FAF1: variants seen among roughly 807,000 people sequenced by gnomAD.
FAF1 encodes the protein Fas associated factor 1, also known as FAS-associated factor 1.
A neutral mutation model predicts 92.5 loss-of-function variants in FAF1; 25 were observed. That is an observed-to-expected ratio of 0.27 (90% CI 0.20 to 0.38). The LOEUF is 0.38. Among genes scored for constraint, FAF1 ranks in the 10% least tolerant of loss-of-function variants. FAF1 has a pLI of 1.00. For missense variants in FAF1, 636 were observed against 793.3 expected (o/e 0.80, Z 2.38); for synonymous variants, 234 against 273.2 (o/e 0.86, Z 1.42).
intron 2 of FAF1, among the ~76,000 whole-genome samples, chr1:50,823,286 G>A (rs1172795457): frequency 6.6e-6 from 1 of 152,122 alleles, no homozygotes; most frequent in Non-Finnish European, 1.5e-5. Flanking sequence ...ATTTAATTCA[G>A]GAAAGTAGGT....
chr1:50,598,362 T>C (rs993391144), intron 8 of FAF1, among the ~76,000 whole-genome samples: 1 of 149,314 alleles, frequency 6.7e-6, no homozygotes, highest in Non-Finnish European at 1.5e-5. Flanking sequence ...CTAGGGAGGC[T>C]GAGATGGGAG....
At chr1:50,849,109 A>AC (rs1196692462) in intron 2 of FAF1, among the ~76,000 whole-genome samples, 3 of 147,300 alleles carry the variant, frequency 2.0e-5, no homozygotes, top group South Asian at 2.1e-4. Flanking sequence ...ATACACACAC[A>AC]AAAAAAAATT....
chr1:50,861,137 G>C (rs1346259285), intron 1 of FAF1, among the ~76,000 whole-genome samples: 1 of 151,778 alleles, frequency 6.6e-6, no homozygotes, highest in Non-Finnish European at 1.5e-5. Flanking sequence ...TGAGTGACAA[G>C]ATCATTTCAT....
chr1:50,554,085 T>C (rs1649436424), intron 13 of FAF1, among the ~76,000 whole-genome samples: 1 of 151,314 alleles, frequency 6.6e-6, no homozygotes, highest in East Asian at 1.9e-4. Flanking sequence ...ATTTGTTCCT[T>C]GAACAAAAGG....
chr1:50,675,159 G>A (rs1018973747), intron 7 of FAF1, among the ~76,000 whole-genome samples: 2 of 152,196 alleles, frequency 1.3e-5, no homozygotes, highest in Non-Finnish European at 2.9e-5. Flanking sequence ...CAAAGCACTG[G>A]GATTACAGGC....
chr1:50,559,242 C>G (rs1223901305), intron 13 of FAF1, among the ~76,000 whole-genome samples: 1 of 150,124 alleles, frequency 6.7e-6, no homozygotes, highest in Non-Finnish European at 1.5e-5. Flanking sequence ...CAGAGCGAGA[C>G]TCCGTCTCAA....
At chr1:50,679,957 G>C (rs1439010650) in intron 7 of FAF1, among the ~76,000 whole-genome samples, 1 of 152,234 alleles carries the variant, frequency 6.6e-6, no homozygotes, top group East Asian at 1.9e-4. Flanking sequence ...CTAGAGCCTG[G>C]TAATAGTTTG....
intron 17 of FAF1, among the ~76,000 whole-genome samples, chr1:50,488,472 C>T (rs1646792022): frequency 6.6e-6 from 1 of 152,288 alleles, no homozygotes; most frequent in African/African-American, 2.4e-5. Context: ...CTAATACACA[C>T]ACAAACACAC....
chr1:50,768,920 A>AAATAACC (rs1383048038), intron 4 of FAF1, among the ~76,000 whole-genome samples: 38 of 152,264 alleles, frequency 2.5e-4, no homozygotes, highest in African/African-American at 7.9e-4. Flanking sequence ...AAGTTAGGAG[A>AAATAACC]AGACAAGAAA....
intron 1 of FAF1, among the ~76,000 whole-genome samples, chr1:50,928,881 C>T (rs897364767): frequency 4.6e-5 from 7 of 150,740 alleles, no homozygotes; most frequent in Admixed American, 2.0e-4. Flanking sequence ...CTCAGGGGAT[C>T]GAGACCAGCC....
At chr1:50,491,489 A>C (rs1646838561) in intron 16 of FAF1, among the ~76,000 whole-genome samples, 1 of 152,228 alleles carries the variant, frequency 6.6e-6, no homozygotes, top group African/African-American at 2.4e-5. Context: ...CTAAGAAACA[A>C]ATGAGATAGA....
chr1:50,737,452 T>G (rs1457111068), intron 6 of FAF1, among the ~76,000 whole-genome samples: 1 of 152,230 alleles, frequency 6.6e-6, no homozygotes, highest in East Asian at 1.9e-4. Context: ...TTAACTAACC[T>G]ACAAAATAAT....
rs1657281205 is a variant in FAF1, at chr1:50,697,432, G to C, written c.657+8354C>G. On this transcript the variant is annotated intron_variant, in intron 7 of 18. Coordinates refer to ENST00000396153, the MANE Select transcript of FAF1 (RefSeq NM_007051.3). ...AATATCATTAACATTCTCTCTCTGG[G>C]CCCCCCTAGCATACTGAGGTGACCC... is the stretch of plus-strand genomic sequence containing the variant. Among the ~76,000 whole-genome samples, 5 of 151,968 alleles carry C rather than the reference G, an allele frequency of 3.3e-5. No homozygotes were observed. The South Asian group carries it at 1.0e-3, about 32-fold the overall frequency.
chr1:50,616,929 C>T (rs550522931), intron 8 of FAF1, among the ~76,000 whole-genome samples: 1 of 152,292 alleles, frequency 6.6e-6, no homozygotes, highest in East Asian at 1.9e-4. Context: ...GATCTGCCCA[C>T]CTCTGCCTCC....
At chr1:50,775,440 A>G (rs1252199804) in intron 4 of FAF1, among the ~76,000 whole-genome samples, 2 of 152,132 alleles carry the variant, frequency 1.3e-5, no homozygotes, top group Non-Finnish European at 2.9e-5. Context: ...ATTTTATGGG[A>G]TCATAGCGGA....
At chr1:50,600,620 T>C (rs1652063827) in intron 8 of FAF1, among the ~76,000 whole-genome samples, 1 of 152,192 alleles carries the variant, frequency 6.6e-6, no homozygotes, top group South Asian at 2.1e-4. Context: ...TCTATAATTA[T>C]TTGAAAAGAC....
intron 17 of FAF1, among the ~76,000 whole-genome samples, chr1:50,481,709 G>A (rs796984303): frequency 9.2e-5 from 14 of 152,240 alleles, no homozygotes; most frequent in African/African-American, 3.4e-4. Flanking sequence ...TAGAAGGTGG[G>A]GGGAGGGGTA....
At chr1:50,713,364 C>T (rs866766789) in intron 6 of FAF1, among the ~76,000 whole-genome samples, 1 of 151,748 alleles carries the variant, frequency 6.6e-6, no homozygotes, top group Non-Finnish European at 1.5e-5. Flanking sequence ...ACCTCCGCCT[C>T]CCAGGATCAA....
In FAF1 at chr1:50,819,703, A is replaced by ATG. The variant is rs1491201868; in HGVS notation, c.115-18027_115-18026insCA. ...TGTATATATATATACATATATATAT[A>ATG]CATATATATATACGTATATATATAT... On this transcript the variant is annotated intron_variant, in intron 2 of 18. Coordinates refer to ENST00000396153, the MANE Select transcript of FAF1 (RefSeq NM_007051.3). Among the ~76,000 whole-genome samples, 2 of 52,436 alleles carry ATG rather than the reference A, an allele frequency of 3.8e-5. 1 individual carries two copies. The highest frequency in any genetic ancestry group is 7.5e-5 in the Non-Finnish European group (2 of 26,840). 34.4% of individuals were successfully genotyped at this position (52,436 alleles called of 152,430 possible). A position where few individuals can be genotyped will look rare whatever the true frequency, so the allele number is the denominator to read the frequency against.
Sources: gnomAD v4.1 joint callset for allele counts (sites outside exome capture counted in the v4.1 genomes callset) on GRCh38, gnomAD v4.1.1 for gene constraint, MANE v1.5 for transcripts, NCBI Gene and HGNC (gene_info 2026-07-23, HGNC 2026-07-21) for gene names.